HTR1E: variants seen among roughly 807,000 people sequenced by gnomAD.
HTR1E encodes the protein 5-HT-1E.
In HTR1E, 3 loss-of-function variants were observed where a neutral mutation model predicts 3.4. The observed-to-expected ratio is 0.89, with a 90% confidence interval of 0.41 to 2.31. HTR1E has a LOEUF of 2.31. Among genes scored for constraint, HTR1E ranks in the 30% most tolerant of loss-of-function variants. The pLI is 0.05. For synonymous variants in HTR1E, 170 were observed against 182.8 expected, an observed-to-expected ratio of 0.93 and a Z score of 0.56; for missense variants, 392 against 467.0, an observed-to-expected ratio of 0.84 and a Z score of 1.48.
intron 1 of HTR1E, among the ~76,000 whole-genome samples, chr6:86,995,665 C>CAAAAAAAAAAAAAAAA (rs60134206): frequency 5.5e-4 from 20 of 36,672 alleles, no homozygotes; most frequent in South Asian, 1.3e-3. Flanking sequence ...GACTCCATCT[C>CAAAAAAAAAAAAAAAA]AAAAAAAAAA....
intron 1 of HTR1E, among the ~76,000 whole-genome samples, chr6:86,951,458 G>A (rs1221221045): frequency 1.3e-5 from 2 of 152,146 alleles, no homozygotes; most frequent in Non-Finnish European, 2.9e-5. Flanking sequence ...TGCATCATCA[G>A]TAAATCTAAA....
At chr6:86,989,056 T>C (rs1465501489) in intron 1 of HTR1E, among the ~76,000 whole-genome samples, 3 of 152,166 alleles carry the variant, frequency 2.0e-5, no homozygotes, top group African/African-American at 4.8e-5. Flanking sequence ...TAAATATAAT[T>C]TCCCCCAAAC....
At chr6:87,014,862 G>C (rs566279150) in intron 1 of HTR1E, among the ~76,000 whole-genome samples, 9 of 152,184 alleles carry the variant, frequency 5.9e-5, no homozygotes, top group African/African-American at 2.2e-4. Flanking sequence ...TAGATGATTG[G>C]TTGTTGGGTG....
chr6:86,998,408 T>C (rs1767974405), intron 1 of HTR1E, among the ~76,000 whole-genome samples: 1 of 152,098 alleles, frequency 6.6e-6, no homozygotes, highest in Non-Finnish European at 1.5e-5. Flanking sequence ...ACAATAGAAC[T>C]AAAAATAAGT....
chr6:86,988,816 C>T (rs1402822735), intron 1 of HTR1E, among the ~76,000 whole-genome samples: 20 of 151,846 alleles, frequency 1.3e-4, no homozygotes. Context: ...TGTTTTGTCA[C>T]CAAAGAGTAG....
chr6:86,945,490 G>A (rs1486761162), intron 1 of HTR1E, among the ~76,000 whole-genome samples: 4 of 151,898 alleles, frequency 2.6e-5, no homozygotes, highest in Non-Finnish European at 2.9e-5. Context: ...TGATTCGCCC[G>A]CCTCAGCCTC....
intron 1 of HTR1E, among the ~76,000 whole-genome samples, chr6:86,967,141 A>G (rs1040915301): frequency 6.6e-6 from 1 of 152,196 alleles, no homozygotes; most frequent in African/African-American, 2.4e-5. Context: ...TTAAAATTAG[A>G]TTATTATTCC....
At chr6:86,987,782 A>G (rs1767811096) in intron 1 of HTR1E, among the ~76,000 whole-genome samples, 1 of 152,188 alleles carries the variant, frequency 6.6e-6, no homozygotes, top group South Asian at 2.1e-4. Flanking sequence ...CATCCTCCAC[A>G]GGGTAAGAAT....
At chr6:86,947,497 G>A in intron 1 of HTR1E, among the ~76,000 whole-genome samples, 1 of 151,702 alleles carries the variant, frequency 6.6e-6, no homozygotes, top group Middle Eastern at 3.2e-3. Context: ...CATGTTCATT[G>A]TAGAAAATTT....
At chr6:86,996,131 CAATATTTATAAAACACTTCA>C (rs1247575965) in intron 1 of HTR1E, among the ~76,000 whole-genome samples, 2 of 152,098 alleles carry the variant, frequency 1.3e-5, no homozygotes, top group Non-Finnish European at 2.9e-5. Flanking sequence ...AAGATCTAAT[CAATATTTATAAAACACTTCA>C]AACAACAGCA....
At chr6:87,013,430 C>T (rs1768267389) in intron 1 of HTR1E, among the ~76,000 whole-genome samples, 2 of 152,114 alleles carry the variant, frequency 1.3e-5, no homozygotes, top group African/African-American at 2.4e-5. Context: ...TTTAAAGTTA[C>T]AAATCCCCAA....
At chr6:87,014,253 G>A (rs1768282235) in intron 1 of HTR1E, among the ~76,000 whole-genome samples, 1 of 130,780 alleles carries the variant, frequency 7.6e-6, no homozygotes, top group Admixed American at 7.7e-5. Context: ...AGAACTTAAA[G>A]TATAATAATA....
chr6:87,009,768 G>C (rs1768174993), intron 1 of HTR1E, among the ~76,000 whole-genome samples: 1 of 140,876 alleles, frequency 7.1e-6, no homozygotes, highest in East Asian at 2.4e-4. Flanking sequence ...GGGGCGGCTG[G>C]CCGGGCAGGG....
chr6:86,973,496 T>C (rs1767590046), intron 1 of HTR1E, among the ~76,000 whole-genome samples: 1 of 152,058 alleles, frequency 6.6e-6, no homozygotes, highest in Non-Finnish European at 1.5e-5. Flanking sequence ...CAATCAGACC[T>C]AAAAGAGATA....
chr6:86,983,155 T>A (rs1294705557), intron 1 of HTR1E, among the ~76,000 whole-genome samples: 1 of 152,236 alleles, frequency 6.6e-6, no homozygotes, highest in East Asian at 1.9e-4. Flanking sequence ...CCATTTACAA[T>A]TTGTAACACA....
At chr6:86,944,778 A>G (rs978950602) in intron 1 of HTR1E, among the ~76,000 whole-genome samples, 1 of 152,224 alleles carries the variant, frequency 6.6e-6, no homozygotes, top group Non-Finnish European at 1.5e-5. Context: ...ATTATAATGG[A>G]GCTGAAAAAT....
rs145369744 is a variant in HTR1E at position 87,007,170 on chromosome 6, A to G, written c.-185-7980A>G. Among the ~76,000 whole-genome samples, 87 of 152,366 alleles carry G rather than the reference A, an allele frequency of 5.7e-4. 1 individual carries two copies. The highest frequency in any genetic ancestry group is 2.1e-3 in the African/African-American group (86 of 41,592). On this transcript the variant is annotated intron_variant, in intron 1 of 1. Coordinates refer to ENST00000305344, the MANE Select transcript of HTR1E (RefSeq NM_000865.3). ...AAAAGAATGAGATCCTGTCATTTTCAACAACATGAATGGAACTGGAGATCA... is the reference window on the plus strand; with the variant it reads ...AAAAGAATGAGATCCTGTCATTTTCGACAACATGAATGGAACTGGAGATCA...
intron 1 of HTR1E, among the ~76,000 whole-genome samples, chr6:86,955,405 C>T (rs1767306863): frequency 6.6e-6 from 1 of 152,178 alleles, no homozygotes; most frequent in Non-Finnish European, 1.5e-5. Flanking sequence ...CTCACAGATA[C>T]TTGATAGTGA....
At chr6:87,010,236 G>A (rs1165334293) in intron 1 of HTR1E, among the ~76,000 whole-genome samples, 1 of 110,388 alleles carries the variant, frequency 9.1e-6, no homozygotes, top group Non-Finnish European at 1.8e-5. Flanking sequence ...GGGCTGAGGG[G>A]CTCCTCACTT....
Sources: gnomAD v4.1 joint callset for allele counts (sites outside exome capture counted in the v4.1 genomes callset) on GRCh38, gnomAD v4.1.1 for gene constraint, MANE v1.5 for transcripts, NCBI Gene and HGNC (gene_info 2026-07-23, HGNC 2026-07-21) for gene names.